The following FBN2 variants were observed in gnomAD, a reference collection of about 807,000 sequenced individuals.
FBN2 encodes the protein fibrillin-2.
In FBN2, 105 loss-of-function variants were observed where a neutral mutation model predicts 355.6. That is an observed-to-expected ratio of 0.30 (90% CI 0.25 to 0.35). FBN2 has a LOEUF of 0.35. Ranked by LOEUF, FBN2 falls within the 10% of genes least tolerant of loss-of-function variation. The probability of loss-of-function intolerance (pLI) is 1.00; values close to 1 mark genes in which losing one functional copy is unlikely to be tolerated. For synonymous variants in FBN2, 1,350 were observed against 1,301.2 expected (o/e 1.04, Z -0.81); for missense variants, 3,280 against 3,758.7 (o/e 0.87, Z 3.33).
intron 55 of FBN2, among the ~76,000 whole-genome samples, chr5:128,283,481 A>T (rs1333532759): frequency 6.6e-6 from 1 of 152,190 alleles, no homozygotes; most frequent in Non-Finnish European, 1.5e-5. Flanking sequence ...TCAGGACATC[A>T]CACGGACATG....
intron 7 of FBN2, among the ~76,000 whole-genome samples, chr5:128,417,943 A>G (rs914384901): frequency 2.0e-5 from 3 of 152,134 alleles, no homozygotes; most frequent in Admixed American, 6.5e-5. Context: ...TTGGCAGTGA[A>G]TACATCCAAT....
intron 5 of FBN2, among the ~76,000 whole-genome samples, chr5:128,496,802 T>C (rs1413211121): frequency 1.3e-5 from 2 of 151,724 alleles, no homozygotes; most frequent in African/African-American, 2.4e-5. Context: ...ATAATACATG[T>C]AAAATCCTAA....
At chr5:128,329,630 A>G (rs1176767674) in intron 33 of FBN2, among the ~76,000 whole-genome samples, 2 of 152,202 alleles carry the variant, frequency 1.3e-5, no homozygotes, top group African/African-American at 4.8e-5. Flanking sequence ...TTTCCTTGAC[A>G]CCACAGTGCG....
At chr5:128,264,351 G>A (rs1000431245) in intron 62 of FBN2, among the ~76,000 whole-genome samples, 16 of 152,078 alleles carry the variant, frequency 1.1e-4, no homozygotes, top group African/African-American at 3.4e-4. Context: ...AACTAGTTCA[G>A]TTTAAAATGC....
chr5:128,379,872 G>A (rs999878569), intron 11 of FBN2, among the ~76,000 whole-genome samples: 8 of 152,012 alleles, frequency 5.3e-5, no homozygotes, highest in African/African-American at 1.9e-4. Flanking sequence ...TACCATTTCA[G>A]CTAAATTGGA....
Position 128,318,176 on chromosome 5 carries a change from A to G in FBN2, c.4690T>C (p.Leu1564=), listed in dbSNP as rs886038504. ...YECNCPPDFQ[L]NPTGVGCVDN... is the part of the protein sequence containing the mutation. ...ACACAACCCACACCAGTTGGGTTCAACTGAAAATCGGGTGGGCAGTTACAC... is the reference window on the plus strand; with the variant it reads ...ACACAACCCACACCAGTTGGGTTCAGCTGAAAATCGGGTGGGCAGTTACAC... The change falls in exon 36 of 65, where the codon TTG becomes CTG. Residue 1564 remains leucine, a synonymous_variant. Transcript: ENST00000262464. 1.7e-5 allele frequency: 27 copies of G among 1,614,052 alleles called. No homozygotes were observed. Among genetic ancestry groups the G allele is most frequent in the Non-Finnish European group, 2.0e-5 (24 of 1,179,992 alleles).
intron 11 of FBN2, among the ~76,000 whole-genome samples, chr5:128,384,684 C>T (rs374598833): frequency 1.3e-5 from 2 of 152,048 alleles, no homozygotes; most frequent in South Asian, 4.1e-4. Flanking sequence ...CTCTATTCTT[C>T]AACACAGGGT....
At chr5:128,326,966 G>A (rs1237209286) in intron 34 of FBN2, among the ~76,000 whole-genome samples, 1 of 152,172 alleles carries the variant, frequency 6.6e-6, no homozygotes, top group African/African-American at 2.4e-5. Flanking sequence ...AATCCTGTCT[G>A]GGTATAAAGA....
chr5:128,338,813 T>TCA, intron 26 of FBN2, 120 bp downstream of exon 26: 1 of 1,152,842 alleles, frequency 8.7e-7, no homozygotes, highest in South Asian at 1.3e-5. Context: ...CTTCTCTCTC[T>TCA]CACCACAGAT....
chr5:128,357,252 A>G (rs200842700), intron 20 of FBN2, 24 bp downstream of exon 20: 55 of 1,613,568 alleles, frequency 3.4e-5, no homozygotes, highest in Admixed American at 5.0e-5. Flanking sequence ...AAATTGAAGC[A>G]TCAGTATTGT....
intron 10 of FBN2, 100 bp downstream of exon 10, chr5:128,393,035 G>T: frequency 1.1e-6 from 1 of 932,746 alleles, no homozygotes; most frequent in Non-Finnish European, 1.8e-6. Flanking sequence ...ATGTGCAAGT[G>T]TGTTCATACA....
intron 7 of FBN2, among the ~76,000 whole-genome samples, chr5:128,425,104 T>C (rs1753452234): frequency 6.6e-6 from 1 of 151,912 alleles, no homozygotes; most frequent in Non-Finnish European, 1.5e-5. Flanking sequence ...CTTTTGTTAG[T>C]CCAAATTTAA....
At chr5:128,484,544 T>G (rs2127114963) in intron 5 of FBN2, among the ~76,000 whole-genome samples, 1 of 152,270 alleles carries the variant, frequency 6.6e-6, no homozygotes, top group Admixed American at 6.5e-5. Context: ...GGTTGGTAAG[T>G]ATGTGAAAAG....
intron 5 of FBN2, among the ~76,000 whole-genome samples, chr5:128,472,818 A>G (rs1376144754): frequency 1.3e-5 from 2 of 152,098 alleles, no homozygotes; most frequent in African/African-American, 4.8e-5. Flanking sequence ...TGATTAACAC[A>G]GCAAATTTTA....
At chr5:128,314,974 C>T (rs764133702) in intron 36 of FBN2, among the ~76,000 whole-genome samples, 1 of 152,054 alleles carries the variant, frequency 6.6e-6, no homozygotes, top group Non-Finnish European at 1.5e-5. Flanking sequence ...CAAAGAATGC[C>T]GTGATGAACA....
chr5:128,389,296 T>C (rs769820829), intron 11 of FBN2, among the ~76,000 whole-genome samples: 3 of 151,956 alleles, frequency 2.0e-5, no homozygotes, highest in Non-Finnish European at 2.9e-5. Context: ...GCCAGCAAAG[T>C]TGTGGGGAGA....
chr5:128,393,290 G>A lies in FBN2; in HGVS notation c.1310C>T (p.Thr437Ile), dbSNP rs1423981478. 1.2e-6 allele frequency: 2 copies of A among 1,614,128 alleles called. No individual in the cohort carries two copies. Reference protein sequence around the residue: ...PGSAGSRPGGTGGNGFAPSGN... With the variant: ...PGSAGSRPGGIGGNGFAPSGN... ...ACTTGGGGCAAAGCCATTTCCCCCA[G>A]TGCCTCCAGGTCTGGAACCAGCACT... The change falls in exon 10 of 65, where the codon ACT becomes ATT. Residue 437 changes from threonine to isoleucine, a missense_variant. By Grantham distance (89) the Thr-to-Ile change is moderately conservative. Around this residue, in one of 6 missense-constraint regions of FBN2, gnomAD observed 343 missense variants for 331.0 expected, o/e 1.04. Transcript: ENST00000262464.
Position 128,334,836 on chromosome 5 carries a change from C to A in FBN2, c.3982G>T (p.Glu1328Ter), listed in dbSNP as rs1750792951. 1 of 1,611,948 alleles carries A rather than the reference C, an allele frequency of 6.2e-7. No individual in the cohort carries two copies. The highest frequency in any genetic ancestry group is 1.3e-5 in the African/African-American group (1 of 74,890). ...MDMKTCIDVN[E>*]CDLNSNICMF... is the part of the protein sequence containing the mutation. ...CAGATATTTGAATTTAGGTCACATT[C>A]ATTGACATCTAGAAAATTTATTTTC... Residue 1328 changes from glutamate (E) to a stop codon, truncating the protein, a stop_gained, in exon 31 of 65, where the codon GAA becomes TAA. Transcript: ENST00000262464. LOFTEE classifies it high-confidence loss of function.
intron 7 of FBN2, among the ~76,000 whole-genome samples, chr5:128,444,447 T>C (rs1041788646): frequency 6.6e-6 from 1 of 152,242 alleles, no homozygotes; most frequent in Admixed American, 6.5e-5. Flanking sequence ...AATATTTAAA[T>C]AAATATGCCT....
Sources: gnomAD v4.1 joint callset for allele counts (sites outside exome capture counted in the v4.1 genomes callset) on GRCh38, gnomAD v4.1.1 for gene constraint, gnomAD v4.1.1 regional missense constraint, MANE v1.5 for transcripts, NCBI Gene and HGNC (gene_info 2026-07-23, HGNC 2026-07-21) for gene names.